The following NFATC1 variants were observed in gnomAD, a reference collection of about 807,000 sequenced individuals.
NFATC1 encodes the protein nuclear factor of activated T cells 1, also known as nuclear factor of activated T-cells, cytoplasmic 1.
A neutral mutation model predicts 76.0 loss-of-function variants in NFATC1; 22 were observed. That is an observed-to-expected ratio of 0.29 (90% CI 0.21 to 0.41). The LOEUF is 0.41. NFATC1 is among the 10% of genes least tolerant of loss of function. The pLI is 1.00. For missense variants in NFATC1, 1,357 were observed against 1,337.7 expected (o/e 1.01, Z -0.23); for synonymous variants, 704 against 613.1 (o/e 1.15, Z -2.19).
chr18:79,487,184 G>A (rs2081152697), intron 9 of NFATC1, among the ~76,000 whole-genome samples: 1 of 152,248 alleles, frequency 6.6e-6, no homozygotes, highest in African/African-American at 2.4e-5. Flanking sequence ...GTCCTGGGCT[G>A]CAGATCCTCC....
chr18:79,443,522 G>C (rs2087068778), intron 3 of NFATC1, among the ~76,000 whole-genome samples: 1 of 152,202 alleles, frequency 6.6e-6, no homozygotes, highest in Non-Finnish European at 1.5e-5. Context: ...GGGGTGGGGA[G>C]GAGCTAGTTT....
At chr18:79,440,070 C>T (rs529558378) in intron 3 of NFATC1, among the ~76,000 whole-genome samples, 1 of 152,248 alleles carries the variant, frequency 6.6e-6, no homozygotes, top group South Asian at 2.1e-4. Flanking sequence ...AAAAATGTGG[C>T]CTGGGTCTCC....
chr18:79,397,664 G>C (rs530975264), intron 1 of NFATC1, among the ~76,000 whole-genome samples: 3 of 152,232 alleles, frequency 2.0e-5, no homozygotes, highest in Admixed American at 2.0e-4. Context: ...TTGGAGTTTC[G>C]GTTTTAAATC....
intron 9 of NFATC1, 88 bp downstream of exon 9, chr18:79,487,025 G>A (rs1235851503): frequency 7.0e-7 from 1 of 1,423,586 alleles, no homozygotes; most frequent in Non-Finnish European, 9.5e-7. Context: ...TGCGTGTGTG[G>A]CACGTGTGGA....
intron 9 of NFATC1, among the ~76,000 whole-genome samples, chr18:79,493,114 T>C (rs1381382267): frequency 1.3e-5 from 2 of 152,202 alleles, no homozygotes; most frequent in South Asian, 4.1e-4. Context: ...GTATCTTGCA[T>C]TATTTTAAAT....
At chr18:79,520,680 GTGTGGTTGGGGGGCATCCACTGA>G in intron 9 of NFATC1, among the ~76,000 whole-genome samples, 1 of 53,836 alleles carries the variant, frequency 1.9e-5, no homozygotes, top group Non-Finnish European at 3.5e-5. Flanking sequence ...GTGTGTCTGT[GTGTGGTTGGGGGGCATCCACTGA>G]TATGTGTGTG....
At chr18:79,515,500 C>G (rs2090358697) in intron 9 of NFATC1, among the ~76,000 whole-genome samples, 1 of 152,010 alleles carries the variant, frequency 6.6e-6, no homozygotes, top group South Asian at 2.1e-4. Flanking sequence ...GCTCGGCTCA[C>G]ACCCCTGCAG....
chr18:79,406,085 C>T (rs2085427775), intron 1 of NFATC1, among the ~76,000 whole-genome samples: 2 of 152,224 alleles, frequency 1.3e-5, no homozygotes, highest in African/African-American at 4.8e-5. Context: ...GCTCTGGGCT[C>T]CGTCACTGGC....
rs218002 is a variant in NFATC1, at chr18:79,528,863, A to C, written c.*1286A>C. ...AGTTGCTTATTACGTATGATTACTC[A>C]CAGCGATCTATTGTTCCATATAACC... On this transcript the variant is annotated 3_prime_UTR_variant, in exon 10 of 10. Transcript: ENST00000427363. The C allele has an allele frequency of 2.0e-5, 3 of 152,632 alleles. No individual in the cohort carries two copies. The highest frequency in any genetic ancestry group is 4.4e-5 in the Non-Finnish European group (3 of 68,054). 9.5% of individuals were successfully genotyped at this position (152,632 alleles called of 1,614,324 possible).
chr18:79,509,687 G>T (rs1285290268), intron 9 of NFATC1, among the ~76,000 whole-genome samples: 1 of 152,246 alleles, frequency 6.6e-6, no homozygotes, highest in African/African-American at 2.4e-5. Context: ...GGTTCTGGAA[G>T]GTGCCGGCAC....
Position 79,527,850 on chromosome 18 carries a change from G to A in NFATC1, c.*273G>A, listed in dbSNP as rs955563864. 7.7e-6 allele frequency: 4 copies of A among 517,010 alleles called. No homozygotes were observed. Among genetic ancestry groups the A allele is most frequent in the African/African-American group, 1.9e-5 (1 of 52,948 alleles). 32.0% of individuals were successfully genotyped at this position (517,010 alleles called of 1,614,324 possible). On this transcript the variant is annotated 3_prime_UTR_variant, in exon 10 of 10. Transcript: ENST00000427363. ...GAGCACGGGAGACCCACCGTGCAGG[G>A]GCCTTTCATGGGAACGGCCCACACG...
chr18:79,509,943 G>C (rs974928957), intron 9 of NFATC1, among the ~76,000 whole-genome samples: 1 of 152,228 alleles, frequency 6.6e-6, no homozygotes, highest in African/African-American at 2.4e-5. Context: ...TCCATTTAAA[G>C]TTAACCACTC....
chr18:79,484,996 C>CA (rs1036397206), intron 8 of NFATC1, among the ~76,000 whole-genome samples: 32 of 152,352 alleles, frequency 2.1e-4, no homozygotes, highest in African/African-American at 6.3e-4. Context: ...TGCATGGACT[C>CA]ACGGGCTCAA....
At chr18:79,449,152 G>A (rs956468183) in intron 4 of NFATC1, among the ~76,000 whole-genome samples, 168 bp downstream of exon 4, 1 of 152,212 alleles carries the variant, frequency 6.6e-6, no homozygotes, top group Non-Finnish European at 1.5e-5. Flanking sequence ...TTTGACAATG[G>A]ATTTGCTTCT....
intron 2 of NFATC1, among the ~76,000 whole-genome samples, chr18:79,418,483 G>A (rs1050727639): frequency 5.9e-5 from 9 of 152,312 alleles, no homozygotes; most frequent in African/African-American, 1.4e-4. Flanking sequence ...CACGTGTCAC[G>A]GGGACCCTCG....
In NFATC1 at chr18:79,433,684, G is replaced by A. The variant is rs1266646936; in HGVS notation, c.1332G>A (p.Thr444=). 6 of 1,611,940 alleles carry A rather than the reference G, an allele frequency of 3.7e-6. No homozygotes were observed. Among genetic ancestry groups the A allele is most frequent in the African/African-American group, 2.7e-5 (2 of 75,048 alleles). The change falls in exon 3 of 10, where the codon ACG becomes ACA. Residue 444 remains threonine (T), a synonymous_variant. Transcript: ENST00000427363. Reference sequence around the variant, plus strand: ...CCCACCACCGAGCCCACTACGAGACGGAGGGCAGCCGGGGGGCCGTGAAGG... The same window carrying A: ...CCCACCACCGAGCCCACTACGAGACAGAGGGCAGCCGGGGGGCCGTGAAGG... ...PKSHHRAHYE[T]EGSRGAVKAS...
At chr18:79,451,165 T>TC (rs1373132998) in intron 5 of NFATC1, 39 bp downstream of exon 5, 2 of 1,586,158 alleles carry the variant, frequency 1.3e-6, no homozygotes, top group Admixed American at 3.4e-5. Flanking sequence ...GAGGAAACCG[T>TC]CCCGTCACAT....
intron 9 of NFATC1, among the ~76,000 whole-genome samples, chr18:79,523,367 T>C (rs935772136): frequency 1.3e-5 from 2 of 152,226 alleles, no homozygotes; most frequent in South Asian, 4.1e-4. Flanking sequence ...GCGTGAAACT[T>C]AAGAGGTGAA....
chr18:79,443,923 G>T (rs2087088628), intron 3 of NFATC1, among the ~76,000 whole-genome samples: 1 of 152,216 alleles, frequency 6.6e-6, no homozygotes, highest in South Asian at 2.1e-4. Flanking sequence ...CAGGGCTCAT[G>T]ATGCCAACAG....
Sources: gnomAD v4.1 joint callset for allele counts (sites outside exome capture counted in the v4.1 genomes callset) on GRCh38, gnomAD v4.1.1 for gene constraint, MANE v1.5 for transcripts, NCBI Gene and HGNC (gene_info 2026-07-23, HGNC 2026-07-21) for gene names.